The following CNTNAP2 variants were observed in gnomAD, a reference collection of about 807,000 sequenced individuals.
CNTNAP2 encodes contactin-associated protein-like 2.
Under a neutral mutation model 155.2 loss-of-function variants are expected in CNTNAP2, and 98 were observed. The observed-to-expected ratio is 0.63, with a 90% CI of 0.54 to 0.75. CNTNAP2 has a LOEUF of 0.75. Among genes scored for constraint, CNTNAP2 ranks in the 30% least tolerant of loss-of-function variants. The pLI is 0.00. For missense variants in CNTNAP2, 1,727 were observed against 1,688.1 expected (o/e 1.02, Z -0.40); for synonymous variants, 651 against 631.2 (o/e 1.03, Z -0.47).
intron 13 of CNTNAP2, among the ~76,000 whole-genome samples, chr7:147,671,115 T>C (rs1420000872): frequency 2.0e-5 from 3 of 152,122 alleles, no homozygotes; most frequent in Admixed American, 6.5e-5. Context: ...TCCGAGTGAG[T>C]GGAGCTGGCT....
chr7:146,691,871 G>T (rs1800702504), intron 1 of CNTNAP2, among the ~76,000 whole-genome samples: 1 of 152,050 alleles, frequency 6.6e-6, no homozygotes, highest in African/African-American at 2.4e-5. Context: ...GGCAAATTCA[G>T]TGACTACTTT....
intron 3 of CNTNAP2, among the ~76,000 whole-genome samples, chr7:146,935,258 A>G (rs1295696322): frequency 1.3e-5 from 2 of 152,186 alleles, no homozygotes; most frequent in Non-Finnish European, 2.9e-5. Context: ...TTAGGCCTCT[A>G]TGAACAATAG....
At chr7:147,031,243 G>A (rs973662109) in intron 3 of CNTNAP2, among the ~76,000 whole-genome samples, 9 of 151,980 alleles carry the variant, frequency 5.9e-5, no homozygotes, top group African/African-American at 1.9e-4. Flanking sequence ...ATTATAGGAG[G>A]TTTGGAAAGA....
chr7:147,909,050 A>G (rs903633568), intron 14 of CNTNAP2, among the ~76,000 whole-genome samples: 30 of 152,210 alleles, frequency 2.0e-4, no homozygotes, highest in African/African-American at 7.2e-4. Context: ...TATTATTTGA[A>G]TGTTGAATGG....
chr7:147,786,176 G>A (rs533496658), intron 13 of CNTNAP2, among the ~76,000 whole-genome samples: 2 of 152,322 alleles, frequency 1.3e-5, no homozygotes, highest in South Asian at 4.1e-4. Context: ...GGGAGGCTGA[G>A]GCAGAAGAAT....
At chr7:147,036,478 G>T (rs533882368) in intron 3 of CNTNAP2, among the ~76,000 whole-genome samples, 66 of 152,152 alleles carry the variant, frequency 4.3e-4, no homozygotes, top group African/African-American at 1.5e-3. Context: ...AGAACCATAG[G>T]TTTAACATTT....
intron 1 of CNTNAP2, among the ~76,000 whole-genome samples, chr7:146,556,869 C>G (rs548206305): frequency 1.4e-4 from 22 of 151,970 alleles, no homozygotes; most frequent in Admixed American, 3.9e-4. Flanking sequence ...GCTTCCAGTA[C>G]AGTTAATTCC....
intron 13 of CNTNAP2, among the ~76,000 whole-genome samples, chr7:147,889,312 T>C (rs1171483490): frequency 6.6e-6 from 1 of 151,968 alleles, no homozygotes; most frequent in Non-Finnish European, 1.5e-5. Flanking sequence ...TCACAATAAA[T>C]AGACTAGACT....
intron 1 of CNTNAP2, among the ~76,000 whole-genome samples, chr7:146,577,408 A>G (rs1028652036): frequency 3.9e-5 from 6 of 152,122 alleles, no homozygotes; most frequent in African/African-American, 1.4e-4. Flanking sequence ...TTTTTTAAGA[A>G]GTTCAAAATT....
chr7:146,907,659 A>G (rs945455737), intron 3 of CNTNAP2, among the ~76,000 whole-genome samples: 1 of 150,790 alleles, frequency 6.6e-6, no homozygotes, highest in Admixed American at 6.6e-5. Flanking sequence ...AGCGCTAAAC[A>G]TGGAAAGGAA....
In CNTNAP2 at chr7:148,294,111, G is replaced by A. The variant is rs148761983; in HGVS notation, c.3475+26985G>A. On this transcript the variant is annotated intron_variant, in intron 21 of 23. Coordinates refer to ENST00000361727, the MANE Select transcript of CNTNAP2 (RefSeq NM_014141.6). ...TCACAGATGGAAGGAAAAAGCAGGC[G>A]GTGTTTCCTATTCTATGTGTATGCC... is the stretch of plus-strand genomic sequence containing the variant. 8.4e-3 allele frequency among the ~76,000 whole-genome samples: 1,266 copies of A among 150,754 alleles called. 10 individuals are homozygous for A. Among genetic ancestry groups the A allele is most frequent in the Middle Eastern group, 0.028 (8 of 286 alleles).
Position 146,971,373 on chromosome 7 carries a change from A to C in CNTNAP2, c.403-72534A>C, listed in dbSNP as rs1797794403. ...AATTGGAAAGGCTTTCTTTTGAGGA[A>C]AAAATAAAAAGGCACTATATTTGTT... On this transcript the variant is annotated intron_variant, in intron 3 of 23. Coordinates refer to ENST00000361727, the MANE Select transcript of CNTNAP2 (RefSeq NM_014141.6). 2.0e-5 allele frequency among the ~76,000 whole-genome samples: 3 copies of C among 152,304 alleles called. No homozygotes were observed. The South Asian group carries it at 6.2e-4, about 32-fold the overall frequency.
At chr7:146,204,743 G>T (rs988789193) in intron 1 of CNTNAP2, among the ~76,000 whole-genome samples, 1 of 151,870 alleles carries the variant, frequency 6.6e-6, no homozygotes, top group Non-Finnish European at 1.5e-5. Context: ...TCATAATTTT[G>T]TCATCCCCCA....
At chr7:147,787,892 G>A (rs1300244878) in intron 13 of CNTNAP2, among the ~76,000 whole-genome samples, 14 of 152,186 alleles carry the variant, frequency 9.2e-5, no homozygotes, top group South Asian at 2.1e-4. Flanking sequence ...TAAGCAAAAT[G>A]TATAAGATTT....
chr7:147,194,551 A>G (rs1473213197), intron 8 of CNTNAP2, among the ~76,000 whole-genome samples: 1 of 152,150 alleles, frequency 6.6e-6, no homozygotes, highest in Admixed American at 6.5e-5. Context: ...ACAGTGTAAA[A>G]GTGTTCCTAT....
intron 8 of CNTNAP2, among the ~76,000 whole-genome samples, chr7:147,169,397 C>T (rs971443368): frequency 6.6e-6 from 1 of 152,112 alleles, no homozygotes; most frequent in Admixed American, 6.6e-5. Flanking sequence ...GAGCATTGTA[C>T]CCAATAGGTA....
intron 21 of CNTNAP2, among the ~76,000 whole-genome samples, chr7:148,305,972 T>C (rs1797483778): frequency 6.6e-6 from 1 of 152,140 alleles, no homozygotes; most frequent in South Asian, 2.1e-4. Context: ...AGTCCCTTTT[T>C]TAAAAATGGA....
chr7:147,112,626 A>G (rs1800903906), intron 5 of CNTNAP2, among the ~76,000 whole-genome samples: 1 of 152,176 alleles, frequency 6.6e-6, no homozygotes, highest in South Asian at 2.1e-4. Context: ...TACTGAGATA[A>G]TCATGTGGTT....
At chr7:148,399,536 G>A (rs1799539995) in intron 22 of CNTNAP2, among the ~76,000 whole-genome samples, 1 of 152,130 alleles carries the variant, frequency 6.6e-6, no homozygotes, top group Non-Finnish European at 1.5e-5. Context: ...ACTTGCTTTA[G>A]AGATTCAACT....
Sources: allele counts gnomAD v4.1 joint callset (sites outside exome capture counted in the v4.1 genomes callset), GRCh38; gene constraint gnomAD v4.1.1; transcripts MANE v1.5; gene names NCBI Gene and HGNC (gene_info 2026-07-23, HGNC 2026-07-21).